Variants in RGS7 observed in about 807,000 individuals in gnomAD.
The protein encoded by RGS7 is regulator of G protein signaling 7, also known as regulator of G-protein signaling 7.
RGS7 carries 27 observed loss-of-function variants against 81.1 expected under a neutral mutation model. The observed-to-expected ratio is 0.33, with a 90% CI of 0.25 to 0.46. RGS7 has a LOEUF of 0.46. Among genes scored for constraint, RGS7 ranks in the 20% least tolerant of loss-of-function variants. The pLI is 1.00. For missense variants in RGS7, 396 were observed against 607.4 expected (o/e 0.65, Z 3.66); for synonymous variants, 208 against 207.7 (o/e 1.00, Z -0.01).
intron 3 of RGS7, among the ~76,000 whole-genome samples, chr1:241,063,377 A>G (rs1284503918): frequency 2.6e-5 from 4 of 152,192 alleles, no homozygotes; most frequent in Non-Finnish European, 1.5e-5. Context: ...TCTCCTCTAA[A>G]AAAGGCAGTA....
chr1:241,193,498 A>G (rs1244664239), intron 2 of RGS7, among the ~76,000 whole-genome samples: 2 of 152,242 alleles, frequency 1.3e-5, no homozygotes, highest in African/African-American at 4.8e-5. Flanking sequence ...TGATATTATC[A>G]ATCAATTCAT....
At chr1:240,791,688 A>G (rs1048372991) in intron 18 of RGS7, among the ~76,000 whole-genome samples, 4 of 152,196 alleles carry the variant, frequency 2.6e-5, no homozygotes, top group Non-Finnish European at 5.9e-5. Context: ...TGACTTGTTG[A>G]TGACCCAGGG....
At chr1:241,141,513 TACAGTC>T (rs1351693332) in intron 2 of RGS7, among the ~76,000 whole-genome samples, 2 of 152,138 alleles carry the variant, frequency 1.3e-5, no homozygotes, top group African/African-American at 4.8e-5. Flanking sequence ...TCAGGAAACT[TACAGTC>T]ATGGTGGAAG....
At chr1:241,325,594 C>T (rs947133518) in intron 2 of RGS7, among the ~76,000 whole-genome samples, 3 of 152,122 alleles carry the variant, frequency 2.0e-5, no homozygotes, top group South Asian at 2.1e-4. Context: ...AAAGGAGAAA[C>T]GTGTCTGTTG....
intron 18 of RGS7, among the ~76,000 whole-genome samples, chr1:240,785,490 G>A (rs1050399277): frequency 5.3e-5 from 8 of 152,136 alleles, no homozygotes; most frequent in East Asian, 1.9e-4. Context: ...AAGTGATAAC[G>A]GACAGCTGTT....
At chr1:241,099,257 A>G (rs948310325) in intron 2 of RGS7, among the ~76,000 whole-genome samples, 1 of 152,176 alleles carries the variant, frequency 6.6e-6, no homozygotes, top group African/African-American at 2.4e-5. Flanking sequence ...CTGATTGCCA[A>G]CTACTATTAC....
intron 2 of RGS7, among the ~76,000 whole-genome samples, chr1:241,165,635 T>A (rs1572957163): frequency 3.6e-5 from 2 of 55,564 alleles, no homozygotes; most frequent in African/African-American, 7.3e-5. Context: ...TGTTGTGGGG[T>A]AGGGGGAGGG....
At chr1:241,219,178 A>G (rs1413274569) in intron 2 of RGS7, among the ~76,000 whole-genome samples, 1 of 152,120 alleles carries the variant, frequency 6.6e-6, no homozygotes, top group Non-Finnish European at 1.5e-5. Flanking sequence ...CCCAAATCTC[A>G]TCTTGGATTT....
rs150615828 is a variant in RGS7, at chr1:241,301,119, T to C, written c.78+54580A>G. Among the ~76,000 whole-genome samples the C allele has an allele frequency of 7.4e-4, 113 of 152,310 alleles. 1 individual carries two copies. The highest frequency in any genetic ancestry group is 2.7e-3 in the African/African-American group (113 of 41,570). On this transcript the variant is annotated intron_variant, in intron 2 of 18. Transcript: ENST00000440928. ...CTTGCACAACAGAATAAAAACAAGG[T>C]CTTCAATGATGAGTTAGTTGTGATT...
intron 2 of RGS7, among the ~76,000 whole-genome samples, chr1:241,147,284 T>A (rs1047980986): frequency 2.6e-5 from 4 of 152,180 alleles, no homozygotes; most frequent in African/African-American, 9.7e-5. Context: ...CAAGTTCTTT[T>A]CCTCCCACAC....
At position 241,342,991 on chromosome 1, in the gene RGS7, G is replaced by A. The variant is rs370191962; in HGVS notation, c.78+12708C>T. ...AAAATTAAAAGTATAGGCCAGGTGCGGTGGCTCACACCTGGAATCTCAGCA... is the reference window on the plus strand; with the variant it reads ...AAAATTAAAAGTATAGGCCAGGTGCAGTGGCTCACACCTGGAATCTCAGCA... On this transcript the variant is annotated intron_variant, in intron 2 of 18. Transcript: ENST00000440928. 1.3e-4 allele frequency among the ~76,000 whole-genome samples: 20 copies of A among 152,206 alleles called. 1 individual carries two copies. Among genetic ancestry groups the A allele is most frequent in the South Asian group, 1.0e-3 (5 of 4,814 alleles).
chr1:240,887,956 G>T (rs970112491), intron 6 of RGS7, among the ~76,000 whole-genome samples: 1 of 152,024 alleles, frequency 6.6e-6, no homozygotes, highest in Non-Finnish European at 1.5e-5. Context: ...GGCCACTTGG[G>T]GATACAAAAG....
At chr1:241,262,854 A>G (rs1355261392) in intron 2 of RGS7, among the ~76,000 whole-genome samples, 1 of 152,084 alleles carries the variant, frequency 6.6e-6, no homozygotes, top group Non-Finnish European at 1.5e-5. Context: ...TAATTCCAGC[A>G]CTTTGGGAGG....
chr1:241,217,062 T>A (rs1349396081), intron 2 of RGS7, among the ~76,000 whole-genome samples: 7 of 152,164 alleles, frequency 4.6e-5, no homozygotes, highest in African/African-American at 1.7e-4. Context: ...AGTTCTAACC[T>A]CCAGTGTGGC....
At chr1:240,989,707 A>G (rs1686184951) in intron 3 of RGS7, among the ~76,000 whole-genome samples, 1 of 152,154 alleles carries the variant, frequency 6.6e-6, no homozygotes, top group Non-Finnish European at 1.5e-5. Flanking sequence ...TTTAATTTAA[A>G]AAAATTGCTA....
intron 2 of RGS7, among the ~76,000 whole-genome samples, chr1:241,189,357 C>G (rs1427894766): frequency 2.0e-5 from 3 of 152,006 alleles, no homozygotes; most frequent in Non-Finnish European, 4.4e-5. Context: ...TGCCCTTGGT[C>G]TAATTGTTTG....
chr1:241,246,431 T>C (rs2076549966), intron 2 of RGS7, among the ~76,000 whole-genome samples: 1 of 152,170 alleles, frequency 6.6e-6, no homozygotes, highest in African/African-American at 2.4e-5. Flanking sequence ...GGGTAGAAGG[T>C]AAAATTCCTT....
At chr1:241,089,036 T>TCC (rs1309954030) in intron 3 of RGS7, among the ~76,000 whole-genome samples, 2 of 45,848 alleles carry the variant, frequency 4.4e-5, no homozygotes, top group Non-Finnish European at 8.2e-5. Context: ...TCTCTCTCTC[T>TCC]CTCTCTCTCT....
intron 2 of RGS7, among the ~76,000 whole-genome samples, chr1:241,266,407 T>C (rs1343817806): frequency 6.6e-6 from 1 of 152,210 alleles, no homozygotes; most frequent in Non-Finnish European, 1.5e-5. Flanking sequence ...CCCCCTAAGA[T>C]CATGGAGTTC....
Sources: gnomAD v4.1 joint callset for allele counts (sites outside exome capture counted in the v4.1 genomes callset) on GRCh38, gnomAD v4.1.1 for gene constraint, MANE v1.5 for transcripts, NCBI Gene and HGNC (gene_info 2026-07-23, HGNC 2026-07-21) for gene names.